Variants in MAPKAPK3 observed in about 807,000 individuals in gnomAD.
The protein encoded by MAPKAPK3 is MAPK activated protein kinase 3, also known as MAP kinase-activated protein kinase 3.
A neutral mutation model predicts 49.2 loss-of-function variants in MAPKAPK3; 35 were observed. That is an observed-to-expected ratio of 0.71 (90% CI 0.54 to 0.94). The LOEUF is 0.94. Ranked by LOEUF, MAPKAPK3 falls within the 40% of genes least tolerant of loss-of-function variation. The pLI, the probability that MAPKAPK3 is intolerant of heterozygous loss-of-function variation, is 0.00. For missense variants in MAPKAPK3, 398 were observed against 493.1 expected (o/e 0.81, Z 1.83); for synonymous variants, 178 against 188.7 (o/e 0.94, Z 0.46).
intron 2 of MAPKAPK3, among the ~76,000 whole-genome samples, chr3:50,625,747 C>T (rs538245430): frequency 4.2e-4 from 64 of 152,286 alleles, no homozygotes; most frequent in Non-Finnish European, 8.2e-4. Flanking sequence ...GCTCTGTCCC[C>T]GCTCTCCCGG....
At chr3:50,637,289 C>G (rs559253060) in intron 2 of MAPKAPK3, among the ~76,000 whole-genome samples, 1 of 152,190 alleles carries the variant, frequency 6.6e-6, no homozygotes, top group East Asian at 1.9e-4. Flanking sequence ...TGAACTTGAC[C>G]TGCCTCTGCC....
At chr3:50,647,752 T>A in intron 10 of MAPKAPK3, 142 bp from the exon 11 acceptor site, 1 of 746,244 alleles carries the variant, frequency 1.3e-6, no homozygotes, top group Non-Finnish European at 2.2e-6. Context: ...GCAAAGGGCT[T>A]GGCCCAGTGC....
chr3:50,626,415 T>A (rs1478398336), intron 2 of MAPKAPK3, among the ~76,000 whole-genome samples: 2 of 152,178 alleles, frequency 1.3e-5, no homozygotes, highest in Non-Finnish European at 2.9e-5. Flanking sequence ...GCTGGCACCC[T>A]GCACCTGACC....
chr3:50,622,082 G>A (rs1190191753), intron 2 of MAPKAPK3, among the ~76,000 whole-genome samples: 1 of 152,200 alleles, frequency 6.6e-6, no homozygotes, highest in East Asian at 1.9e-4. Flanking sequence ...CTGCCTCTGG[G>A]ACAGTTTCCT....
chr3:50,628,375 C>T (rs1362026808), intron 2 of MAPKAPK3, among the ~76,000 whole-genome samples: 2 of 152,204 alleles, frequency 1.3e-5, no homozygotes, highest in African/African-American at 2.4e-5. Context: ...TGTGGGGTCT[C>T]TTCATGAAGA....
At chr3:50,611,603 C>A, upstream of MAPKAPK3, 7 of 1,521,228 alleles carry the variant, frequency 4.6e-6, no homozygotes, top group South Asian at 8.6e-5. Flanking sequence ...TCGTGGTGGC[C>A]GGGAAGGGGG....
intron 2 of MAPKAPK3, among the ~76,000 whole-genome samples, chr3:50,637,657 GAAA>G (rs1242352655): frequency 1.3e-5 from 2 of 148,370 alleles, no homozygotes; most frequent in Non-Finnish European, 3.0e-5. Flanking sequence ...AAAAGAAAAA[GAAA>G]AAAAGGTGCT....
chr3:50,617,832 C>G, intron 2 of MAPKAPK3, 48 bp downstream of exon 2: 2 of 1,474,070 alleles, frequency 1.4e-6, no homozygotes, highest in South Asian at 1.1e-5. Flanking sequence ...GGGTCCACAG[C>G]GGAAGCCTGT....
chr3:50,633,788 A>G (rs905431121), intron 2 of MAPKAPK3, among the ~76,000 whole-genome samples: 1 of 152,214 alleles, frequency 6.6e-6, no homozygotes, highest in Non-Finnish European at 1.5e-5. Flanking sequence ...CCCATGAGAT[A>G]AGGGACAGCA....
intron 2 of MAPKAPK3, among the ~76,000 whole-genome samples, chr3:50,625,140 C>T (rs771443672): frequency 1.3e-5 from 2 of 151,876 alleles, no homozygotes; most frequent in East Asian, 1.9e-4. Context: ...CAGTTGAACC[C>T]TGGGTTTGAA....
At chr3:50,620,541 A>C (rs1168490208) in intron 2 of MAPKAPK3, among the ~76,000 whole-genome samples, 1 of 152,144 alleles carries the variant, frequency 6.6e-6, no homozygotes, top group Non-Finnish European at 1.5e-5. Flanking sequence ...GAAACTCAGC[A>C]AACACTCATA....
At chr3:50,611,758 G>A, upstream of MAPKAPK3, 2 of 1,371,248 alleles carry the variant, frequency 1.5e-6, no homozygotes, top group South Asian at 1.6e-5. Flanking sequence ...GGGGCGCGCG[G>A]GCGCAGGACA....
At chr3:50,611,763 A>G (rs1184324837), upstream of MAPKAPK3, 1 of 1,362,150 alleles carries the variant, frequency 7.3e-7, no homozygotes, top group Non-Finnish European at 9.5e-7. Flanking sequence ...GCGCGGGCGC[A>G]GGACAGGGAC....
At chr3:50,634,351 G>A (rs2032981092) in intron 2 of MAPKAPK3, among the ~76,000 whole-genome samples, 1 of 152,244 alleles carries the variant, frequency 6.6e-6, no homozygotes, top group Non-Finnish European at 1.5e-5. Flanking sequence ...GGCACTAGCT[G>A]GAGCTGTGGA....
At chr3:50,642,574 G>C (rs1029822963) in intron 5 of MAPKAPK3, among the ~76,000 whole-genome samples, 4 of 152,184 alleles carry the variant, frequency 2.6e-5, no homozygotes, top group Admixed American at 2.6e-4. Flanking sequence ...ATAGTAATAA[G>C]AATAACTGAC....
chr3:50,626,144 G>A (rs962322374), intron 2 of MAPKAPK3, among the ~76,000 whole-genome samples: 1 of 150,934 alleles, frequency 6.6e-6, no homozygotes, highest in Admixed American at 6.6e-5. Flanking sequence ...CTCCTTTTAC[G>A]GCCCAATGGT....
intron 2 of MAPKAPK3, among the ~76,000 whole-genome samples, chr3:50,621,290 C>T (rs536838014): frequency 6.6e-6 from 1 of 152,128 alleles, no homozygotes; most frequent in South Asian, 2.1e-4. Flanking sequence ...AGACCCTTAT[C>T]TCTACACAAA....
chr3:50,629,406 G>A (rs904676885), intron 2 of MAPKAPK3, among the ~76,000 whole-genome samples: 1 of 152,200 alleles, frequency 6.6e-6, no homozygotes, highest in Non-Finnish European at 1.5e-5. Flanking sequence ...CCCAGGAACT[G>A]TTTTCACCCA....
chr3:50,621,512 C>T (rs537691961), intron 2 of MAPKAPK3, among the ~76,000 whole-genome samples: 18 of 151,066 alleles, frequency 1.2e-4, no homozygotes, highest in Non-Finnish European at 2.2e-4. Context: ...GCAGGAGAAT[C>T]GCTTGAACCT....
Sources: allele counts gnomAD v4.1 joint callset (sites outside exome capture counted in the v4.1 genomes callset), GRCh38; gene constraint gnomAD v4.1.1; transcripts MANE v1.5; gene names NCBI Gene and HGNC (gene_info 2026-07-23, HGNC 2026-07-21).